Variants in NAV2 observed in about 807,000 individuals in gnomAD.
NAV2 encodes helicase, APC down-regulated 1.
A neutral mutation model predicts 223.2 loss-of-function variants in NAV2; 54 were observed. The observed-to-expected ratio is 0.24, with a 90% confidence interval of 0.19 to 0.30. The LOEUF (loss-of-function observed/expected upper bound fraction) is 0.30, where lower values mean the gene tolerates loss of function less well. Ranked by LOEUF, NAV2 falls within the 10% of genes least tolerant of loss-of-function variation. NAV2 has a pLI of 1.00. For missense variants in NAV2, 2,806 were observed against 3,147.5 expected, an observed-to-expected ratio of 0.89 and a Z score of 2.60; for synonymous variants, 1,279 against 1,239.3, an observed-to-expected ratio of 1.03 and a Z score of -0.67.
chr11:19,959,914 C>T (rs1469218411), intron 10 of NAV2, among the ~76,000 whole-genome samples: 1 of 152,218 alleles, frequency 6.6e-6, no homozygotes, highest in Non-Finnish European at 1.5e-5. Context: ...GAACGGACCT[C>T]CTGCCCTTCC....
At chr11:19,794,031 A>G (rs2057729907) in intron 1 of NAV2, among the ~76,000 whole-genome samples, 1 of 152,134 alleles carries the variant, frequency 6.6e-6, no homozygotes, top group Admixed American at 6.5e-5. Flanking sequence ...GTTTAGGGGT[A>G]TGTTTACTTG....
chr11:19,949,015 C>T lies in NAV2; in HGVS notation c.2580C>T (p.Ala860=), dbSNP rs754426552. The part of the protein sequence containing the change: ...EMDLEGISMD[A]PGYMSDGDVL... ...ACCTGGAAGGCATCAGCATGGATGC[C>T]CCCGGCTACATGAGCGACGGGGATG... is the stretch of plus-strand genomic sequence containing the variant. Residue 860 remains alanine, a synonymous_variant, in exon 10 of 38, where the codon GCC becomes GCT. Coordinates refer to ENST00000349880, the MANE Select transcript of NAV2 (RefSeq NM_145117.5). The T allele has an allele frequency of 2.5e-6, 4 of 1,613,848 alleles. No individual in the cohort carries two copies. Among genetic ancestry groups the T allele is most frequent in the Admixed American group, 1.7e-5 (1 of 60,024 alleles).
intron 1 of NAV2, among the ~76,000 whole-genome samples, chr11:19,809,434 A>T (rs1041820311): frequency 1.3e-5 from 2 of 152,194 alleles, no homozygotes; most frequent in South Asian, 2.1e-4. Context: ...GTTCTTTTTT[A>T]AAAAATAAAC....
intron 1 of NAV2, among the ~76,000 whole-genome samples, chr11:19,402,733 G>T (rs572056342): frequency 6.6e-6 from 1 of 152,290 alleles, no homozygotes; most frequent in South Asian, 2.1e-4. Flanking sequence ...ATACTCTTGT[G>T]ATTAAGTAGC....
chr11:19,781,007 A>C (rs10833169), intron 1 of NAV2, among the ~76,000 whole-genome samples: 80,504 of 152,082 alleles, frequency 0.53, 22,017 homozygotes, highest in Middle Eastern at 0.7. Context: ...AAATCATATT[A>C]ATAGCTAACA....
chr11:20,084,894 A>G (rs531233494), intron 26 of NAV2, among the ~76,000 whole-genome samples: 1 of 152,218 alleles, frequency 6.6e-6, no homozygotes, highest in South Asian at 2.1e-4. Flanking sequence ...AGAGACCAAA[A>G]AGGGGTTAAC....
chr11:19,391,366 C>A (rs1443794663), intron 1 of NAV2, among the ~76,000 whole-genome samples: 1 of 152,186 alleles, frequency 6.6e-6, no homozygotes, highest in African/African-American at 2.4e-5. Flanking sequence ...TGGTTTCTAC[C>A]ACCCTGTCCA....
intron 1 of NAV2, among the ~76,000 whole-genome samples, chr11:19,409,436 G>T (rs1031782324): frequency 1.3e-5 from 2 of 152,188 alleles, no homozygotes; most frequent in Admixed American, 1.3e-4. Flanking sequence ...TGGGTGGTGG[G>T]TGGAGTCCTG....
chr11:19,686,660 C>G (rs908770373), intron 1 of NAV2, among the ~76,000 whole-genome samples: 3 of 152,144 alleles, frequency 2.0e-5, no homozygotes, highest in Non-Finnish European at 2.9e-5. Context: ...GTGGGGAGGA[C>G]CCCCAGTGTG....
chr11:20,038,025 G>A (rs1219639181), intron 12 of NAV2, among the ~76,000 whole-genome samples: 1 of 152,158 alleles, frequency 6.6e-6, no homozygotes, highest in African/African-American at 2.4e-5. Context: ...GACTTACAAG[G>A]TAGGAGAAGC....
chr11:20,110,940 CTGCCCATGGTAGTATGGA>C (rs1345560456), intron 36 of NAV2, among the ~76,000 whole-genome samples: 2 of 152,234 alleles, frequency 1.3e-5, no homozygotes, highest in Non-Finnish European at 2.9e-5. Context: ...GGATGGAGCG[CTGCCCATGGTAGTATGGA>C]TTTGGTGGGA....
intron 4 of NAV2, among the ~76,000 whole-genome samples, chr11:19,872,994 C>T (rs1377482605): frequency 6.6e-6 from 1 of 152,216 alleles, no homozygotes; most frequent in Non-Finnish European, 1.5e-5. Flanking sequence ...AACACACCAC[C>T]TGTCACAGCC....
At chr11:19,460,042 A>G (rs1852099253) in intron 1 of NAV2, among the ~76,000 whole-genome samples, 1 of 152,230 alleles carries the variant, frequency 6.6e-6, no homozygotes, top group Non-Finnish European at 1.5e-5. Flanking sequence ...TGGGCAAGAT[A>G]CTTAACCTTT....
chr11:19,647,523 T>G (rs2047851165), intron 1 of NAV2, among the ~76,000 whole-genome samples: 1 of 151,994 alleles, frequency 6.6e-6, no homozygotes, highest in Non-Finnish European at 1.5e-5. Context: ...ATGACCCCCT[T>G]CTAGAGATGA....
intron 1 of NAV2, among the ~76,000 whole-genome samples, chr11:19,590,011 T>C (rs1375968672): frequency 6.6e-6 from 1 of 152,164 alleles, no homozygotes; most frequent in Non-Finnish European, 1.5e-5. Flanking sequence ...TGTGTAGTGG[T>C]GAATTGTGTA....
intron 11 of NAV2, among the ~76,000 whole-genome samples, chr11:20,033,083 G>C (rs1365818372): frequency 6.6e-6 from 1 of 152,212 alleles, no homozygotes; most frequent in African/African-American, 2.4e-5. Flanking sequence ...AGACTAGAAG[G>C]AGCACATATT....
intron 1 of NAV2, among the ~76,000 whole-genome samples, chr11:19,482,760 C>T (rs2042319556): frequency 6.6e-6 from 1 of 152,174 alleles, no homozygotes; most frequent in South Asian, 2.1e-4. Context: ...GCCCAACATA[C>T]CTTAGTACTG....
intron 1 of NAV2, among the ~76,000 whole-genome samples, chr11:19,618,657 G>C (rs958969832): frequency 6.6e-6 from 1 of 152,158 alleles, no homozygotes; most frequent in Non-Finnish European, 1.5e-5. Context: ...CCATAGATTT[G>C]ACATGCAGAT....
At chr11:19,426,434 AG>A (rs1850831184) in intron 1 of NAV2, among the ~76,000 whole-genome samples, 3 of 152,212 alleles carry the variant, frequency 2.0e-5, no homozygotes, top group Non-Finnish European at 2.9e-5. Flanking sequence ...GAAATAAACC[AG>A]GGATGCTCCT....
Sources: gnomAD v4.1 joint callset for allele counts (sites outside exome capture counted in the v4.1 genomes callset) on GRCh38, gnomAD v4.1.1 for gene constraint, MANE v1.5 for transcripts, NCBI Gene and HGNC (gene_info 2026-07-23, HGNC 2026-07-21) for gene names.